Variants in DCTN4 observed in about 807,000 individuals in gnomAD.
DCTN4 encodes the protein dynactin 4 (p62).
In DCTN4, 23 loss-of-function variants were observed where a neutral mutation model predicts 62.7. The observed-to-expected ratio is 0.37, with a 90% confidence interval of 0.26 to 0.52. The LOEUF (loss-of-function observed/expected upper bound fraction) is 0.52. Among genes scored for constraint, DCTN4 ranks in the 20% least tolerant of loss-of-function variants. The pLI is 0.92. For synonymous variants in DCTN4, 199 were observed against 202.1 expected (o/e 0.98, Z 0.13); for missense variants, 514 against 580.4 (o/e 0.89, Z 1.18).
In DCTN4 at chr5:150,714,670, C is replaced by T. The variant is rs570677999; in HGVS notation, c.1169+895G>A. ...GAATACAGGGGTAAGCCACCATGCC[C>T]GGCCCAGCAATGCTTCTTTACCCAG... On this transcript the variant is annotated intron_variant, in intron 12 of 12. Coordinates refer to ENST00000447998, the MANE Select transcript of DCTN4 (RefSeq NM_016221.4). 9.9e-5 allele frequency among the ~76,000 whole-genome samples: 15 copies of T among 152,204 alleles called. No individual in the cohort carries two copies. In the East Asian group the frequency reaches 1.7e-3, roughly 18 times the overall value.
At chr5:150,735,533 T>C (rs559977577) in intron 4 of DCTN4, among the ~76,000 whole-genome samples, 1 of 152,300 alleles carries the variant, frequency 6.6e-6, no homozygotes, top group African/African-American at 2.4e-5. Context: ...CGGAGACTGA[T>C]AGCTCTGGCC....
chr5:150,714,551 A>AT (rs970734163), intron 12 of DCTN4, among the ~76,000 whole-genome samples: 23 of 143,804 alleles, frequency 1.6e-4, no homozygotes. Context: ...TATTTTTAAA[A>AT]TTTTTTTGTA....
At chr5:150,735,893 T>C (rs1232426397) in intron 4 of DCTN4, among the ~76,000 whole-genome samples, 1 of 139,288 alleles carries the variant, frequency 7.2e-6, no homozygotes, top group East Asian at 2.1e-4. Context: ...CAGAGAAAGG[T>C]GAAAACCAAC....
At chr5:150,727,724 C>T (rs954177062) in intron 8 of DCTN4, among the ~76,000 whole-genome samples, 4 of 142,868 alleles carry the variant, frequency 2.8e-5, no homozygotes, top group South Asian at 4.4e-4. Flanking sequence ...TGCAGTGAGC[C>T]GAGATCGCGC....
At chr5:150,727,139 G>A (rs984840012) in intron 8 of DCTN4, among the ~76,000 whole-genome samples, 24 of 152,126 alleles carry the variant, frequency 1.6e-4, no homozygotes, top group African/African-American at 5.8e-4. Context: ...TTTGATTTAT[G>A]AGACATCCTT....
chr5:150,731,329 G>T (rs1000850882), intron 6 of DCTN4, 87 bp downstream of exon 6: 5 of 1,146,158 alleles, frequency 4.4e-6, no homozygotes, highest in Non-Finnish European at 6.5e-6. Flanking sequence ...TGACAACTGT[G>T]TGTGTGTGTG....
At chr5:150,738,710 A>G in intron 4 of DCTN4, among the ~76,000 whole-genome samples, 1 of 152,198 alleles carries the variant, frequency 6.6e-6, no homozygotes, top group Admixed American at 6.5e-5. Context: ...CAAGACAAGG[A>G]TGCCCACTTT....
chr5:150,714,165 T>C (rs941294348), intron 12 of DCTN4, among the ~76,000 whole-genome samples: 1 of 152,148 alleles, frequency 6.6e-6, no homozygotes, highest in African/African-American at 2.4e-5. Flanking sequence ...TACTAAGCTA[T>C]TATTTTTCAG....
intron 4 of DCTN4, among the ~76,000 whole-genome samples, chr5:150,735,202 G>T (rs976926353): frequency 2.1e-5 from 3 of 140,600 alleles, no homozygotes; most frequent in African/African-American, 9.8e-5. Flanking sequence ...GCCACCTCCT[G>T]GCTGGAGGCC....
chr5:150,735,089 A>C (rs1287385524), intron 4 of DCTN4, among the ~76,000 whole-genome samples: 2 of 152,186 alleles, frequency 1.3e-5, no homozygotes, highest in Non-Finnish European at 2.9e-5. Flanking sequence ...TGGGAGCTTT[A>C]TGGCCCCACT....
At chr5:150,716,347 T>C (rs1360768667) in intron 11 of DCTN4, among the ~76,000 whole-genome samples, 1 of 152,154 alleles carries the variant, frequency 6.6e-6, no homozygotes, top group Non-Finnish European at 1.5e-5. Flanking sequence ...TTTTTTGACA[T>C]GGTACCAGCT....
intron 3 of DCTN4, chr5:150,743,190 G>A (rs1760833386): frequency 6.5e-6 from 1 of 152,954 alleles, no homozygotes; most frequent in Admixed American, 6.5e-5. Flanking sequence ...ACCTGGCTCG[G>A]AGGGTCCTAC....
intron 4 of DCTN4, 104 bp downstream of exon 4, chr5:150,742,010 G>A: frequency 8.4e-6 from 8 of 948,390 alleles, no homozygotes; most frequent in Non-Finnish European, 1.0e-5. Context: ...ACGTATTATG[G>A]ACTTATAAAC....
At chr5:150,724,312 T>C (rs1337972776) in intron 8 of DCTN4, among the ~76,000 whole-genome samples, 3 of 152,174 alleles carry the variant, frequency 2.0e-5, no homozygotes, top group Non-Finnish European at 4.4e-5. Context: ...TTATTTTTAT[T>C]TCCTTGCCGA....
intron 8 of DCTN4, among the ~76,000 whole-genome samples, chr5:150,729,601 G>T (rs940001581): frequency 6.9e-6 from 1 of 144,268 alleles, no homozygotes; most frequent in African/African-American, 2.8e-5. Context: ...TCCTAAAAAA[G>T]AAAAAATACT....
chr5:150,746,557 G>A (rs188652888), intron 3 of DCTN4, among the ~76,000 whole-genome samples: 1,611 of 152,066 alleles, frequency 0.011, 27 homozygotes, highest in African/African-American at 0.035. Flanking sequence ...CTGGCAAACC[G>A]AATGCAGCAG....
intron 3 of DCTN4, 143 bp downstream of exon 3, chr5:150,753,336 C>A (rs1038751694): frequency 1.3e-4 from 86 of 647,488 alleles, no homozygotes; most frequent in Non-Finnish European, 2.1e-4. Flanking sequence ...CAAATGTGAA[C>A]ATATGGGAAC....
chr5:150,740,965 T>C (rs1244867489), intron 4 of DCTN4, among the ~76,000 whole-genome samples: 1 of 152,148 alleles, frequency 6.6e-6, no homozygotes, highest in Non-Finnish European at 1.5e-5. Flanking sequence ...GCTCAGGTGA[T>C]AGGTACACCA....
rs143981540 is a variant in DCTN4 at position 150,756,368 on chromosome 5, G to GAAC, written c.206+46_206+48dup. On this transcript the variant is annotated intron_variant, in intron 2 of 12. Coordinates refer to ENST00000447998, the MANE Select transcript of DCTN4 (RefSeq NM_016221.4). ...TGTCTTTTTAACTAGCTATTTTAGA[G>GAAC]AACAGTCAAGGAAAATAGGAAGAAA... 13,042 of 1,354,948 alleles carry GAAC rather than the reference G, an allele frequency of 9.6e-3. 1,028 individuals carry two copies. In the African/African-American group the frequency reaches 0.18, roughly 19 times the overall value. The allele number at this position is 1,354,948 out of a possible 1,614,324, so 83.9% of individuals were successfully genotyped here.
Sources: allele counts gnomAD v4.1 joint callset (sites outside exome capture counted in the v4.1 genomes callset), GRCh38; gene constraint gnomAD v4.1.1; transcripts MANE v1.5; gene names NCBI Gene and HGNC (gene_info 2026-07-23, HGNC 2026-07-21).